Variants in USP34 observed in about 807,000 individuals in gnomAD.
The protein encoded by USP34 is ubiquitin specific peptidase 34, also known as ubiquitin carboxyl-terminal hydrolase 34.
In USP34, 70 loss-of-function variants were observed where a neutral mutation model predicts 460.3. The observed-to-expected ratio is 0.15, with a 90% CI of 0.13 to 0.19. The LOEUF (loss-of-function observed/expected upper bound fraction) is 0.19, where lower values mean the gene tolerates loss of function less well. USP34 is among the 10% of genes least tolerant of loss of function. The probability of loss-of-function intolerance (pLI) is 1.00; values close to 1 mark genes in which losing one functional copy is unlikely to be tolerated. For synonymous variants in USP34, 1,647 were observed against 1,405.3 expected (o/e 1.17, Z -3.85); for missense variants, 3,985 against 4,236.2 (o/e 0.94, Z 1.65).
Position 61,301,338 on chromosome 2 carries a change from C to A in USP34, c.3918+16G>T. The A allele has an allele frequency of 6.2e-7, 1 of 1,608,574 alleles. No homozygotes were observed. Among genetic ancestry groups the A allele is most frequent in the Non-Finnish European group, 8.5e-7 (1 of 1,177,300 alleles). The stretch of plus-strand genomic sequence containing the variant: ...AAACAGATCATTAAAACTCAAACCA[C>A]GTTTTATATATGTACCTGCATATCC... On this transcript the variant is annotated intron_variant, in intron 28 of 79. Transcript: ENST00000398571.
At chr2:61,449,252 C>T (rs1695203401) in intron 1 of USP34, among the ~76,000 whole-genome samples, 1 of 80,966 alleles carries the variant, frequency 1.2e-5, no homozygotes, top group Non-Finnish European at 2.4e-5. Context: ...GAGACTCCCT[C>T]TTAAAAAAAA....
intron 10 of USP34, among the ~76,000 whole-genome samples, chr2:61,366,408 T>C (rs562894585): frequency 1.3e-5 from 2 of 152,010 alleles, no homozygotes; most frequent in South Asian, 4.2e-4. Context: ...TTAAATGAAG[T>C]TTTCTATAAA....
At chr2:61,324,873 A>G (rs1691036235) in intron 21 of USP34, among the ~76,000 whole-genome samples, 2 of 152,204 alleles carry the variant, frequency 1.3e-5, no homozygotes, top group Non-Finnish European at 2.9e-5. Context: ...AAATGTTGGT[A>G]TAATTTATAA....
At chr2:61,425,203 A>G (rs952442275) in intron 1 of USP34, among the ~76,000 whole-genome samples, 3 of 152,036 alleles carry the variant, frequency 2.0e-5, no homozygotes, top group African/African-American at 7.3e-5. Flanking sequence ...CAAGGATACC[A>G]AATTAAGATC....
chr2:61,211,402 A>G (rs937151096), intron 69 of USP34, among the ~76,000 whole-genome samples: 3 of 152,228 alleles, frequency 2.0e-5, no homozygotes, highest in Admixed American at 6.5e-5. Context: ...CCAGATAGAT[A>G]TATTTGGGCT....
Position 61,265,393 on chromosome 2 carries a change from C to T in USP34, c.5778+4G>A. 1 of 1,596,198 alleles carries T rather than the reference C, an allele frequency of 6.3e-7. No homozygotes were observed. Among genetic ancestry groups the T allele is most frequent in the Non-Finnish European group, 8.5e-7 (1 of 1,174,558 alleles). On this transcript the variant is annotated splice_donor_region_variant and intron_variant, in intron 43 of 79. Coordinates refer to ENST00000398571, the MANE Select transcript of USP34 (RefSeq NM_014709.4). Reference sequence around the variant, plus strand: ...TTTGATTTTTAAAGTGAGGAAAATTCTACCTTGGCAGTGAAGACAGCCTGT... The same window carrying T: ...TTTGATTTTTAAAGTGAGGAAAATTTTACCTTGGCAGTGAAGACAGCCTGT...
rs970204098 is a variant in USP34, at chr2:61,451,094, G to A, written c.43+19556C>T. On this transcript the variant is annotated intron_variant, in intron 1 of 79. Transcript: ENST00000398571. ...AAATTGGCTGGGCATGGTGGTAGGC[G>A]CCTATAATTCCAGCTACTCGGGACG... is the stretch of plus-strand genomic sequence containing the variant. Among the ~76,000 whole-genome samples, 21 of 151,134 alleles carry A rather than the reference G, an allele frequency of 1.4e-4. No homozygotes were observed. In the East Asian group the frequency reaches 2.5e-3, roughly 18 times the overall value.
At position 61,393,716 on chromosome 2, in the gene USP34, G is replaced by A. The variant is rs548220702; in HGVS notation, c.753+1137C>T. On this transcript the variant is annotated intron_variant, in intron 5 of 79. Coordinates refer to ENST00000398571, the MANE Select transcript of USP34 (RefSeq NM_014709.4). ...TATCTGATATTAGCTATTAATTAAGGTAATTCCATTACACAAGATTTCAGT... is the reference window on the plus strand; with the variant it reads ...TATCTGATATTAGCTATTAATTAAGATAATTCCATTACACAAGATTTCAGT... Among the ~76,000 whole-genome samples, 579 of 152,126 alleles carry A rather than the reference G, an allele frequency of 3.8e-3. 1 individual carries two copies. Among genetic ancestry groups the A allele is most frequent in the Non-Finnish European group, 6.7e-3 (456 of 67,996 alleles).
At chr2:61,449,276 A>C (rs1695204264) in intron 1 of USP34, among the ~76,000 whole-genome samples, 1 of 152,040 alleles carries the variant, frequency 6.6e-6, no homozygotes, top group African/African-American at 2.4e-5. Flanking sequence ...AAAAAGTAGG[A>C]AACTACAAAA....
At chr2:61,431,850 A>T (rs1694685401) in intron 1 of USP34, among the ~76,000 whole-genome samples, 1 of 151,860 alleles carries the variant, frequency 6.6e-6, no homozygotes, top group South Asian at 2.1e-4. Context: ...GCAAGACTCC[A>T]TCTCAAAAAA....
At chr2:61,297,029 T>A (rs1405529310) in intron 29 of USP34, 104 bp from the exon 30 acceptor site, 1 of 1,427,302 alleles carries the variant, frequency 7.0e-7, no homozygotes, top group Non-Finnish European at 9.4e-7. Context: ...TAATAGTTTT[T>A]AGCCTCACTT....
chr2:61,289,445 T>A (rs905181521), intron 33 of USP34, among the ~76,000 whole-genome samples: 2 of 152,222 alleles, frequency 1.3e-5, no homozygotes, highest in Non-Finnish European at 2.9e-5. Flanking sequence ...GTATAAAAAA[T>A]AAAATTTACA....
chr2:61,228,754 AAAT>A, intron 60 of USP34, 35 bp from the exon 61 acceptor site: 1 of 1,596,016 alleles, frequency 6.3e-7, no homozygotes, highest in Non-Finnish European at 8.5e-7. Context: ...TAAAAATATA[AAAT>A]AAAAGCAATT....
intron 48 of USP34, among the ~76,000 whole-genome samples, chr2:61,251,550 G>A (rs1688582844): frequency 6.6e-6 from 1 of 152,138 alleles, no homozygotes; most frequent in South Asian, 2.1e-4. Context: ...TGCAGTATAA[G>A]GTCTTCATCC....
chr2:61,233,776 A>G (rs1348194570), intron 57 of USP34, among the ~76,000 whole-genome samples: 1 of 151,986 alleles, frequency 6.6e-6, no homozygotes, highest in Non-Finnish European at 1.5e-5. Context: ...TTGAGGTTGC[A>G]GTGAGCTATG....
chr2:61,460,267 T>G (rs1206460860), intron 1 of USP34, among the ~76,000 whole-genome samples: 1 of 152,150 alleles, frequency 6.6e-6, no homozygotes, highest in Admixed American at 6.6e-5. Flanking sequence ...AAATTGCCAT[T>G]CCGAGTGGCA....
chr2:61,327,718 A>G (rs1691137933), intron 20 of USP34, among the ~76,000 whole-genome samples: 2 of 152,230 alleles, frequency 1.3e-5, no homozygotes, highest in South Asian at 4.2e-4. Flanking sequence ...CCGATGCTGC[A>G]CTTCAAAGAT....
chr2:61,425,163 C>T (rs1362530216), intron 1 of USP34, among the ~76,000 whole-genome samples: 1 of 152,092 alleles, frequency 6.6e-6, no homozygotes, highest in Non-Finnish European at 1.5e-5. Context: ...GCATAGAAGG[C>T]TCCACTGATC....
At position 61,248,543 on chromosome 2, in the gene USP34, T is replaced by C. The variant is rs774821978; in HGVS notation, c.6362A>G (p.Asp2121Gly). 4 of 1,572,010 alleles carry C rather than the reference T, an allele frequency of 2.5e-6. No individual in the cohort carries two copies. The highest frequency in any genetic ancestry group is 1.4e-5 in the African/African-American group (1 of 73,544). The part of the protein sequence containing the change: ...LRLDMTPYTE[D>G]FLMGKSERKE... Reference sequence around the variant, plus strand: ...CCTCTCACTCTTTCCCATAAGAAAATCTTCTGTATAGGGCGTCATGTCCAA... The same window carrying C: ...CCTCTCACTCTTTCCCATAAGAAAACCTTCTGTATAGGGCGTCATGTCCAA... Residue 2121 changes from aspartate to glycine, a missense_variant, in exon 49 of 80, where the codon GAT (aspartate) becomes GGT (glycine). Asp to Gly is a moderately conservative substitution (Grantham distance 94). Around this residue, in one of 14 missense-constraint regions of USP34, gnomAD observed 70 missense variants for 78.1 expected, o/e 0.90. Coordinates refer to ENST00000398571, the MANE Select transcript of USP34 (RefSeq NM_014709.4).
Sources: allele counts gnomAD v4.1 joint callset (sites outside exome capture counted in the v4.1 genomes callset), GRCh38; gene constraint gnomAD v4.1.1; regional missense constraint gnomAD v4.1.1; transcripts MANE v1.5; gene names NCBI Gene and HGNC (gene_info 2026-07-23, HGNC 2026-07-21).